The following KRT85 variants were observed in gnomAD, a reference collection of about 807,000 sequenced individuals.
KRT85 encodes keratin 85.
A neutral mutation model predicts 53.7 loss-of-function variants in KRT85; 39 were observed. The ratio of observed to expected loss-of-function variants is 0.73; its 90% CI spans 0.56 to 0.95. The LOEUF (loss-of-function observed/expected upper bound fraction) is 0.95. Among genes scored for constraint, KRT85 ranks in the 40% least tolerant of loss-of-function variants. KRT85 has a pLI of 0.00. For synonymous variants in KRT85, 291 were observed against 277.5 expected (o/e 1.05, Z -0.48); for missense variants, 668 against 686.0 (o/e 0.97, Z 0.29).
chr12:52,364,397 G>C, intron 2 of KRT85, 31 bp from the exon 3 acceptor site: 1 of 1,614,188 alleles, frequency 6.2e-7, no homozygotes, highest in South Asian at 1.1e-5. Flanking sequence ...GTCTGGAGCT[G>C]AGAAACTGGA....
In KRT85 at chr12:52,363,507, G is replaced by A. The variant is rs1029708661; in HGVS notation, c.787-97C>T. The A allele has an allele frequency of 9.1e-6, 12 of 1,323,862 alleles. No individual in the cohort carries two copies. In the African/African-American group the frequency reaches 1.4e-4, roughly 16 times the overall value. The allele number at this position is 1,323,862 out of a possible 1,614,324, so 82.0% of individuals were successfully genotyped here. A position where few individuals can be genotyped will look rare whatever the true frequency, so the allele number is the denominator to read the frequency against. On this transcript the variant is annotated intron_variant, in intron 4 of 8. Transcript: ENST00000257901. ...ATGTCCACTTCCCAGACCGGGCACT[G>A]GTCATGAAGGTTACATGACTCCTGC...
At chr12:52,363,610 G>C (rs1416085306) in intron 4 of KRT85, among the ~76,000 whole-genome samples, 200 bp from the exon 5 acceptor site, 1 of 152,232 alleles carries the variant, frequency 6.6e-6, no homozygotes, top group African/African-American at 2.4e-5. Context: ...TCTGGGAACA[G>C]TGTCTGCCTT....
rs1939253011 is a variant in KRT85 at position 52,365,119 on chromosome 12, A to G, written c.472T>C (p.Tyr158His). Residue 158 changes from tyrosine to histidine, a missense_variant, in exon 2 of 9, where the codon TAC becomes CAC. Physicochemically the swap from Tyr to His is moderately conservative, Grantham distance 83 (BLOSUM62 2). Transcript: ENST00000257901. Reference protein sequence around the residue: ...NKLLETKWQFYQNQRCCESNL... With the variant: ...NKLLETKWQFHQNQRCCESNL... ...CTCTCGCAGCAGCGCTGGTTCTGGT[A>G]GAACTGCCACTTGGTCTCCAGCAGC... 2 of 1,614,240 alleles carry G rather than the reference A, an allele frequency of 1.2e-6. No homozygotes were observed. Among genetic ancestry groups the G allele is most frequent in the Non-Finnish European group, 1.7e-6 (2 of 1,180,036 alleles).
In KRT85 at chr12:52,367,088, C is replaced by A; in HGVS notation, c.318G>T (p.Thr106=). ...TGGGGTCGATCTCCAGGTTGAGGGGCGTGAGGAGGCTCTCGTTGACCGACA... is the reference window on the plus strand; with the variant it reads ...TGGGGTCGATCTCCAGGTTGAGGGGAGTGAGGAGGCTCTCGTTGACCGACA... ...TTVSVNESLL[T]PLNLEIDPNA... Residue 106 remains threonine (T), a synonymous_variant, in exon 1 of 9, where the codon ACG becomes ACT. Coordinates refer to ENST00000257901, the MANE Select transcript of KRT85 (RefSeq NM_002283.4). The A allele has an allele frequency of 6.2e-7, 1 of 1,613,376 alleles. No individual in the cohort carries two copies. The highest frequency in any genetic ancestry group is 2.2e-5 in the East Asian group (1 of 44,884).
chr12:52,362,995 A>C lies in KRT85; in HGVS notation c.952-16T>G, dbSNP rs377620922. 37 of 1,613,892 alleles carry C rather than the reference A, an allele frequency of 2.3e-5. No homozygotes were observed. Among genetic ancestry groups the C allele is most frequent in the Non-Finnish European group, 3.1e-5 (36 of 1,179,990 alleles). On this transcript the variant is annotated splice_polypyrimidine_tract_variant and intron_variant, in intron 5 of 8. Coordinates refer to ENST00000257901, the MANE Select transcript of KRT85 (RefSeq NM_002283.4). ...TCTCCTCACACTGGAGGAAGTAGAG[A>C]TGCTCATGAGGCTCAGGGTGGGGCC...
At position 52,361,012 on chromosome 12, in the gene KRT85, C is replaced by A. The variant is rs1565766964; in HGVS notation, c.1365G>T (p.Gly455=). ...CTGGGGTGGTGCTGTAGGAGAGGCC[C>A]CCACAGGAGACTCCACCACGGGAGC... The part of the protein sequence containing the change: ...VSSSRGGVSC[G]GLSYSTTPGR... Residue 455 remains glycine (G), a synonymous_variant, in exon 9 of 9, where the codon GGG becomes GGT. Transcript: ENST00000257901. 6.2e-7 allele frequency: 1 copy of A among 1,613,518 alleles called. No homozygotes were observed. The highest frequency in any genetic ancestry group is 1.3e-5 in the African/African-American group (1 of 75,006).
At chr12:52,364,421 C>T (rs748276453) in intron 2 of KRT85, 55 bp from the exon 3 acceptor site, 6 of 1,614,126 alleles carry the variant, frequency 3.7e-6, no homozygotes, top group East Asian at 4.5e-5. Flanking sequence ...TGAATACCAT[C>T]CCAACTCCTG....
In KRT85 at chr12:52,364,145, G is replaced by A. The variant is rs1939236947; in HGVS notation, c.709C>T (p.Leu237=). ...TTGGCCTCCAGGTCTGATTTCCGCA[G>A]GTAGGCACAGTCCACGTCCTGGCCG... ...VLKKDVDCAY[L]RKSDLEANVE... The change falls in exon 4 of 9, where the codon CTG becomes TTG. Residue 237 remains leucine, a synonymous_variant. Coordinates refer to ENST00000257901, the MANE Select transcript of KRT85 (RefSeq NM_002283.4). 5 of 1,614,180 alleles carry A rather than the reference G, an allele frequency of 3.1e-6. No homozygotes were observed. The highest frequency in any genetic ancestry group is 3.4e-6 in the Non-Finnish European group (4 of 1,180,024).
rs1939283132 is a variant in KRT85, at chr12:52,367,089, G to A, written c.317C>T (p.Thr106Met). Residue 106 changes from threonine to methionine, a missense_variant, in exon 1 of 9, where the codon ACG becomes ATG. Coordinates refer to ENST00000257901, the MANE Select transcript of KRT85 (RefSeq NM_002283.4). ...GGGGTCGATCTCCAGGTTGAGGGGC[G>A]TGAGGAGGCTCTCGTTGACCGACAC... ...TTVSVNESLLTPLNLEIDPNA... is the reference protein window; with the variant it reads ...TTVSVNESLLMPLNLEIDPNA... The A allele has an allele frequency of 4.3e-6, 7 of 1,613,328 alleles. No individual in the cohort carries two copies. Among genetic ancestry groups the A allele is most frequent in the Admixed American group, 1.7e-5 (1 of 60,004 alleles).
In KRT85 at chr12:52,364,549, T is replaced by TCCG. The variant is rs919901299; in HGVS notation, c.630-186_630-184dup. 9.4e-5 allele frequency: 138 copies of TCCG among 1,466,316 alleles called. No homozygotes were observed. The African/African-American group carries it at 1.8e-3, about 19-fold the overall frequency. 90.8% of individuals were successfully genotyped at this position (1,466,316 alleles called of 1,614,324 possible). A position where few individuals can be genotyped will look rare whatever the true frequency, so the allele number is the denominator to read the frequency against. ...AGCCCTTGTCCTAGCCTGGCTTCAT[T>TCCG]CCGCCGCAGTCCTTCTGCCTCTGAG... On this transcript the variant is annotated intron_variant, in intron 2 of 8. Coordinates refer to ENST00000257901, the MANE Select transcript of KRT85 (RefSeq NM_002283.4).
chr12:52,364,813 A>C, intron 2 of KRT85, 149 bp downstream of exon 2: 1 of 1,469,394 alleles, frequency 6.8e-7, no homozygotes, highest in Non-Finnish European at 9.4e-7. Context: ...AGGAATCTGA[A>C]GAAATCTAGG....
At chr12:52,362,177 C>T in intron 7 of KRT85, 74 bp downstream of exon 7, 1 of 1,603,582 alleles carries the variant, frequency 6.2e-7, no homozygotes. Flanking sequence ...AGCTCACACT[C>T]AGCTCAAGGA....
At chr12:52,362,209 A>G in intron 7 of KRT85, 42 bp downstream of exon 7, 7 of 1,613,572 alleles carry the variant, frequency 4.3e-6, no homozygotes, top group Non-Finnish European at 5.1e-6. Flanking sequence ...GGAGGACCAC[A>G]GCCTCCACCT....
At chr12:52,366,747 TAC>T (rs1159681665) in intron 1 of KRT85, among the ~76,000 whole-genome samples, 23 of 151,906 alleles carry the variant, frequency 1.5e-4, no homozygotes, top group South Asian at 8.3e-4. Context: ...CACACACATG[TAC>T]ACACACACAC....
Position 52,363,311 on chromosome 12 carries a change from T to C in KRT85, c.886A>G (p.Lys296Glu). The change falls in exon 5 of 9, where the codon AAG (lysine) becomes GAG (glutamate). Residue 296 changes from lysine (K) to glutamate (E), a missense_variant. By Grantham distance (56) the Lys-to-Glu change is moderately conservative. Coordinates refer to ENST00000257901, the MANE Select transcript of KRT85 (RefSeq NM_002283.4). ...LNMDCIIAEI[K>E]AQYDDVASRS... is the part of the protein sequence containing the mutation. ...CTGGCAACATCGTCATACTGAGCCT[T>C]GATCTCAGCGATGATGCAGTCCATG... 4 of 1,614,128 alleles carry C rather than the reference T, an allele frequency of 2.5e-6. No individual in the cohort carries two copies. The highest frequency in any genetic ancestry group is 3.4e-6 in the Non-Finnish European group (4 of 1,179,970).
At chr12:52,361,556 A>T (rs957027072) in intron 7 of KRT85, 58 bp from the exon 8 acceptor site, 10 of 1,537,662 alleles carry the variant, frequency 6.5e-6, no homozygotes, top group African/African-American at 2.7e-5. Flanking sequence ...CTTGAGACTG[A>T]TGGTTGCTTG....
At position 52,367,305 on chromosome 12, in the gene KRT85, A is replaced by G; in HGVS notation, c.101T>C (p.Ile34Thr). Residue 34 changes from isoleucine to threonine, a missense_variant, in exon 1 of 9, where the codon ATC becomes ACC. Ile to Thr is a moderately conservative substitution (Grantham distance 89). Around this residue, in one of 3 missense-constraint regions of KRT85, gnomAD observed 158 missense variants for 141.8 expected, o/e 1.11. Transcript: ENST00000257901. ...VAPKTGNRCCISAAPYRGVSC... is the reference protein window; with the variant it reads ...VAPKTGNRCCTSAAPYRGVSC... Reference sequence around the variant, plus strand: ...CACCCCTCGGTAGGGGGCGGCGCTGATGCAGCAGCGGTTGCCAGTTTTGGG... The same window carrying G: ...CACCCCTCGGTAGGGGGCGGCGCTGGTGCAGCAGCGGTTGCCAGTTTTGGG... The G allele has an allele frequency of 1.9e-6, 3 of 1,613,794 alleles. No individual in the cohort carries two copies. Among genetic ancestry groups the G allele is most frequent in the Non-Finnish European group, 2.5e-6 (3 of 1,179,828 alleles).
intron 1 of KRT85, among the ~76,000 whole-genome samples, chr12:52,366,370 G>A (rs1428843014): frequency 6.6e-6 from 1 of 152,272 alleles, no homozygotes; most frequent in Non-Finnish European, 1.5e-5. Flanking sequence ...ACAGGTGGAT[G>A]AGGCAGTCCT....
rs768839572 is a variant in KRT85, at chr12:52,362,953, G to A, written c.978C>T (p.Ile326=). 5.0e-6 allele frequency: 8 copies of A among 1,614,128 alleles called. No individual in the cohort carries two copies. The highest frequency in any genetic ancestry group is 6.8e-6 in the Non-Finnish European group (8 of 1,180,034). Reference sequence around the variant, plus strand: ...TGCGGCGCAGGGTCTCCCCATGCCTGATCACCGTGGCCTTCATCTCCTCAC... The same window carrying A: ...TGCGGCGCAGGGTCTCCCCATGCCTAATCACCGTGGCCTTCATCTCCTCAC... ...SKCEEMKATV[I]RHGETLRRTK... is the part of the protein sequence containing the mutation. The change falls in exon 6 of 9, where the codon ATC becomes ATT. Residue 326 remains isoleucine, a synonymous_variant. Coordinates refer to ENST00000257901, the MANE Select transcript of KRT85 (RefSeq NM_002283.4).
Sources: allele counts gnomAD v4.1 joint callset (sites outside exome capture counted in the v4.1 genomes callset), GRCh38; gene constraint gnomAD v4.1.1; regional missense constraint gnomAD v4.1.1; transcripts MANE v1.5; gene names NCBI Gene and HGNC (gene_info 2026-07-23, HGNC 2026-07-21).